The following TNIK variants were observed in gnomAD, a reference collection of about 807,000 sequenced individuals.
TNIK encodes the protein TRAF2 and NCK-interacting protein kinase.
In TNIK, 49 loss-of-function variants were observed where a neutral mutation model predicts 191.3. The ratio of observed to expected loss-of-function variants is 0.26; its 90% CI spans 0.20 to 0.32. The LOEUF is 0.32. Among genes scored for constraint, TNIK ranks in the 10% least tolerant of loss-of-function variants. The pLI is 1.00. For synonymous variants in TNIK, 594 were observed against 600.9 expected (o/e 0.99, Z 0.17); for missense variants, 1,155 against 1,702.3 (o/e 0.68, Z 5.66).
intron 1 of TNIK, among the ~76,000 whole-genome samples, chr3:171,405,684 T>C (rs551472605): frequency 1.3e-5 from 2 of 152,364 alleles, no homozygotes; most frequent in East Asian, 1.9e-4. Context: ...TGCATAAGAC[T>C]GATAATTTTC....
At chr3:171,282,952 C>G (rs1750630414) in intron 2 of TNIK, among the ~76,000 whole-genome samples, 1 of 152,054 alleles carries the variant, frequency 6.6e-6, no homozygotes, top group South Asian at 2.1e-4. Flanking sequence ...CTCCTTACAG[C>G]CTGGGCCCGC....
chr3:171,151,763 C>A (rs969741318), intron 12 of TNIK, among the ~76,000 whole-genome samples: 1 of 152,222 alleles, frequency 6.6e-6, no homozygotes, highest in Non-Finnish European at 1.5e-5. Context: ...TGTCCCAGGA[C>A]TTTCCAGAGC....
intron 2 of TNIK, among the ~76,000 whole-genome samples, chr3:171,251,351 T>G (rs1379503550): frequency 6.6e-6 from 1 of 152,228 alleles, no homozygotes; most frequent in East Asian, 1.9e-4. Context: ...CTACTTGTGT[T>G]GTTAGAGGCC....
At chr3:171,129,632 C>T (rs1728977566) in intron 15 of TNIK, among the ~76,000 whole-genome samples, 1 of 152,174 alleles carries the variant, frequency 6.6e-6, no homozygotes, top group Non-Finnish European at 1.5e-5. Flanking sequence ...TCCCCTCTAA[C>T]CCTGTCTTCT....
At chr3:171,402,439 G>T (rs543953646) in intron 1 of TNIK, among the ~76,000 whole-genome samples, 1 of 152,332 alleles carries the variant, frequency 6.6e-6, no homozygotes, top group Admixed American at 6.5e-5. Context: ...AATGCTAGTT[G>T]TGGGTCTCGA....
intron 2 of TNIK, among the ~76,000 whole-genome samples, chr3:171,278,863 G>A (rs1377414551): frequency 6.6e-6 from 1 of 152,192 alleles, no homozygotes; most frequent in Non-Finnish European, 1.5e-5. Context: ...GATATGAGAT[G>A]TTAGAGGGTA....
chr3:171,206,122 A>G (rs1357302840), intron 4 of TNIK, among the ~76,000 whole-genome samples: 1 of 152,110 alleles, frequency 6.6e-6, no homozygotes, highest in Non-Finnish European at 1.5e-5. Context: ...TTTGTAGTCT[A>G]CAGCAAGAAT....
intron 1 of TNIK, among the ~76,000 whole-genome samples, chr3:171,418,672 G>T (rs1723381271): frequency 6.6e-6 from 1 of 152,136 alleles, no homozygotes; most frequent in Middle Eastern, 3.2e-3. Flanking sequence ...TTGCTTTAGG[G>T]TGGCGTAGGG....
chr3:171,290,582 C>A (rs13082302), intron 2 of TNIK, among the ~76,000 whole-genome samples: 3,345 of 152,228 alleles, frequency 0.022, 47 homozygotes, highest in Middle Eastern at 0.037. Flanking sequence ...ATTCCATGTA[C>A]CTGCTACTAA....
intron 2 of TNIK, among the ~76,000 whole-genome samples, chr3:171,279,906 A>C (rs2109246625): frequency 6.6e-6 from 1 of 152,272 alleles, no homozygotes; most frequent in East Asian, 1.9e-4. Context: ...ACTCCTTCAG[A>C]ATCTATCTTA....
At chr3:171,077,813 ATG>A (rs949623982) in intron 28 of TNIK, among the ~76,000 whole-genome samples, 1 of 150,698 alleles carries the variant, frequency 6.6e-6, no homozygotes, top group Non-Finnish European at 1.5e-5. Context: ...ATACATATGT[ATG>A]TGTATATATG....
At position 171,122,457 on chromosome 3, in the gene TNIK, G is replaced by GA. The variant is rs1044408154; in HGVS notation, c.2120+1138dup. Among the ~76,000 whole-genome samples the GA allele has an allele frequency of 3.9e-4, 59 of 151,858 alleles. 2 individuals are homozygous for GA. Among genetic ancestry groups the GA allele is most frequent in the African/African-American group, 1.1e-3 (44 of 41,444 alleles). On this transcript the variant is annotated intron_variant, in intron 18 of 32. Coordinates refer to ENST00000436636, the MANE Select transcript of TNIK (RefSeq NM_015028.4). ...TCAGTGTGAATCAGACAAGTCACTGGAAAAAAAATGGCTCATTCAGAGCCT... is the reference window on the plus strand; with the variant it reads ...TCAGTGTGAATCAGACAAGTCACTGGAAAAAAAAATGGCTCATTCAGAGCCT...
In TNIK at chr3:171,249,219, T is replaced by TC. The variant is rs1218440655; in HGVS notation, c.124-20999dup. ...ATAAATTTCAGCCTCCAGTGGCATG[T>TC]CTGCTATTATTTCATAATTCTGGGT... On this transcript the variant is annotated intron_variant, in intron 2 of 32. Coordinates refer to ENST00000436636, the MANE Select transcript of TNIK (RefSeq NM_015028.4). 9.2e-5 allele frequency among the ~76,000 whole-genome samples: 14 copies of TC among 152,374 alleles called. No individual in the cohort carries two copies. The South Asian group carries it at 1.9e-3, about 20-fold the overall frequency.
intron 1 of TNIK, among the ~76,000 whole-genome samples, chr3:171,444,535 C>A (rs1329933718): frequency 5.0e-5 from 7 of 139,664 alleles, no homozygotes; most frequent in Non-Finnish European, 3.1e-5. Flanking sequence ...TCTTGTTGAT[C>A]AAGGGAGTGG....
At chr3:171,383,445 G>A (rs1291007220) in intron 1 of TNIK, among the ~76,000 whole-genome samples, 1 of 152,218 alleles carries the variant, frequency 6.6e-6, no homozygotes, top group Non-Finnish European at 1.5e-5. Context: ...GGCATGAACA[G>A]TTATAATCTC....
intron 2 of TNIK, among the ~76,000 whole-genome samples, chr3:171,324,874 G>A (rs112720745): frequency 5.9e-5 from 9 of 151,988 alleles, no homozygotes; most frequent in Non-Finnish European, 1.3e-4. Flanking sequence ...CAAGGCGGGC[G>A]GATCACGAGG....
At chr3:171,287,749 C>T (rs1050141627) in intron 2 of TNIK, among the ~76,000 whole-genome samples, 2 of 152,154 alleles carry the variant, frequency 1.3e-5, no homozygotes, top group Non-Finnish European at 2.9e-5. Context: ...TCAGTGAACT[C>T]CTTCCTTTAC....
chr3:171,270,632 C>G (rs1748977823), intron 2 of TNIK, among the ~76,000 whole-genome samples: 1 of 152,126 alleles, frequency 6.6e-6, no homozygotes, highest in African/African-American at 2.4e-5. Context: ...CCTGAAATAC[C>G]CATCCCCATC....
chr3:171,060,738 T>C lies in TNIK; in HGVS notation c.*3143A>G, dbSNP rs1214201053. 6.6e-6 allele frequency among the ~76,000 whole-genome samples: 1 copy of C among 152,170 alleles called. No homozygotes were observed. The highest frequency in any genetic ancestry group is 2.4e-5 in the African/African-American group (1 of 41,444). On this transcript the variant is annotated 3_prime_UTR_variant, in exon 33 of 33. Transcript: ENST00000436636. ...TTGAAGGAACTTCACTGGTCATCCA[T>C]TCCTACCACCACTGGATGCAGGAAT...
Sources: allele counts gnomAD v4.1 joint callset (sites outside exome capture counted in the v4.1 genomes callset), GRCh38; gene constraint gnomAD v4.1.1; transcripts MANE v1.5; gene names NCBI Gene and HGNC (gene_info 2026-07-23, HGNC 2026-07-21).